Variants in ECPAS observed in about 807,000 individuals in gnomAD.
ECPAS encodes the protein proteasome adapter and scaffold protein ECM29.
ECPAS carries 70 observed loss-of-function variants against 255.1 expected under a neutral mutation model. The observed-to-expected ratio is 0.27, with a 90% CI of 0.23 to 0.33. The LOEUF is 0.33. Among genes scored for constraint, ECPAS ranks in the 10% least tolerant of loss-of-function variants. The pLI, the probability that ECPAS is intolerant of heterozygous loss-of-function variation, is 1.00. For missense variants in ECPAS, 1,817 were observed against 2,206.4 expected (o/e 0.82, Z 3.54); for synonymous variants, 784 against 775.0 (o/e 1.01, Z -0.19).
At position 111,390,084 on chromosome 9, in the gene ECPAS, T is replaced by C. The variant is rs760559326; in HGVS notation, c.3179A>G (p.Tyr1060Cys). The C allele has an allele frequency of 3.2e-6, 5 of 1,586,644 alleles. No individual in the cohort carries two copies. The South Asian group carries it at 5.7e-5, about 18-fold the overall frequency. The change falls in exon 30 of 50, where the codon TAC (tyrosine) becomes TGC (cysteine). Residue 1060 changes from tyrosine to cysteine, a missense_variant. Coordinates refer to ENST00000684092, the MANE Select transcript of ECPAS (RefSeq NM_001364929.1). ...ACTTGCCAGAGAACAAAGTTCCTTG[T>C]AAGTAGAAAGGCCCTGACTTGGAAA... The part of the protein sequence containing the change: ...KTPDGQGLST[Y>C]KELCSLASDL...
intron 31 of ECPAS, among the ~76,000 whole-genome samples, chr9:111,388,402 C>T (rs1478147214): frequency 6.7e-6 from 1 of 148,576 alleles, no homozygotes; most frequent in East Asian, 2.0e-4. Flanking sequence ...CTGGAGCAAG[C>T]AAAACTCATT....
At chr9:111,383,733 C>T (rs2098143538) in intron 34 of ECPAS, among the ~76,000 whole-genome samples, 1 of 151,994 alleles carries the variant, frequency 6.6e-6, no homozygotes, top group Non-Finnish European at 1.5e-5. Context: ...CCAGCCTGGG[C>T]AACATGAAGA....
intron 46 of ECPAS, among the ~76,000 whole-genome samples, chr9:111,368,036 A>G (rs1397118773): frequency 6.7e-6 from 1 of 148,944 alleles, no homozygotes; most frequent in Non-Finnish European, 1.5e-5. Context: ...CCCTGTCTCA[A>G]AAAAAAAACA....
chr9:111,432,551 T>A lies in ECPAS; in HGVS notation c.848+682A>T, dbSNP rs1330685988. ...ATCGCTTGAACCTGGTAGGTGGAGGTTGCAGTGAGCTGAGATCGTGCCACT... is the reference window on the plus strand; with the variant it reads ...ATCGCTTGAACCTGGTAGGTGGAGGATGCAGTGAGCTGAGATCGTGCCACT... On this transcript the variant is annotated intron_variant, in intron 8 of 49. Transcript: ENST00000684092. Among the ~76,000 whole-genome samples, 3 of 152,126 alleles carry A rather than the reference T, an allele frequency of 2.0e-5. No individual in the cohort carries two copies. In the East Asian group the frequency reaches 5.8e-4, roughly 29 times the overall value.
rs958000740 is a variant in ECPAS, at chr9:111,390,002, T to C, written c.3261A>G (p.Ala1087=). 1.4e-5 allele frequency: 22 copies of C among 1,595,450 alleles called. No homozygotes were observed. Among genetic ancestry groups the C allele is most frequent in the Admixed American group, 6.7e-5 (4 of 59,380 alleles). ...YKFMNLANHH[A]MWNSRKGAAF... ...AACTTACCTTCCTAGAGTTCCACAT[T>C]GCATGATGGTTGGCTAAATTCATAA... Residue 1087 remains alanine, a synonymous_variant, in exon 30 of 50, where the codon GCA becomes GCG. Coordinates refer to ENST00000684092, the MANE Select transcript of ECPAS (RefSeq NM_001364929.1).
chr9:111,394,329 A>G (rs1056769544), intron 25 of ECPAS, 24 bp from the exon 26 acceptor site: 1 of 1,498,508 alleles, frequency 6.7e-7, no homozygotes, highest in East Asian at 2.4e-5. Context: ...AAGAAAAATA[A>G]CAAAGAATTA....
rs963522326 is a variant in ECPAS, at chr9:111,472,259, A to T, written c.22+638T>A. ...CGAGACCCTGTCTCAAAAAAAAATT[A>T]AAAAATTTAAAAAACAAAAACCTCC... On this transcript the variant is annotated intron_variant, in intron 2 of 49. Transcript: ENST00000684092. 7.2e-5 allele frequency among the ~76,000 whole-genome samples: 11 copies of T among 152,074 alleles called. No individual in the cohort carries two copies. In the East Asian group the frequency reaches 7.7e-4, roughly 11 times the overall value.
At chr9:111,384,402 A>C in intron 34 of ECPAS, 120 bp downstream of exon 34, 2 of 850,532 alleles carry the variant, frequency 2.4e-6, no homozygotes, top group Non-Finnish European at 3.9e-6. Context: ...GCAGTGAACT[A>C]CAACATGAAG....
At chr9:111,394,330 C>T in intron 25 of ECPAS, 25 bp from the exon 26 acceptor site, 1 of 1,491,836 alleles carries the variant, frequency 6.7e-7, no homozygotes, top group Non-Finnish European at 8.9e-7. Flanking sequence ...AGAAAAATAA[C>T]AAAGAATTAA....
At chr9:111,369,218 A>C in intron 45 of ECPAS, 45 bp from the exon 46 acceptor site, 2 of 1,421,232 alleles carry the variant, frequency 1.4e-6, no homozygotes, top group Non-Finnish European at 1.9e-6. Flanking sequence ...TTCTTCTTCA[A>C]AGTTACAGGT....
intron 2 of ECPAS, among the ~76,000 whole-genome samples, chr9:111,466,340 G>T (rs2098279509): frequency 6.6e-6 from 1 of 152,068 alleles, no homozygotes; most frequent in Non-Finnish European, 1.5e-5. Context: ...AGCTACTCAG[G>T]AGGCTGAGGC....
intron 29 of ECPAS, among the ~76,000 whole-genome samples, chr9:111,390,772 C>T (rs765962907): frequency 5.9e-5 from 9 of 152,160 alleles, no homozygotes; most frequent in South Asian, 2.1e-4. Context: ...ATTTGCCTAA[C>T]GATCCGTAGA....
chr9:111,397,362 G>A (rs1446774430), intron 24 of ECPAS, among the ~76,000 whole-genome samples: 1 of 152,204 alleles, frequency 6.6e-6, no homozygotes, highest in Non-Finnish European at 1.5e-5. Flanking sequence ...ATTTTTCAAA[G>A]TCTTTGCTGC....
intron 35 of ECPAS, among the ~76,000 whole-genome samples, 153 bp from the exon 36 acceptor site, chr9:111,378,883 T>C (rs558933428): frequency 1.8e-4 from 27 of 152,368 alleles, no homozygotes; most frequent in African/African-American, 6.5e-4. Flanking sequence ...TTTTAACTTT[T>C]ATTAAAGAAA....
intron 2 of ECPAS, among the ~76,000 whole-genome samples, chr9:111,469,906 C>A (rs564231583): frequency 6.6e-6 from 1 of 152,074 alleles, no homozygotes; most frequent in Non-Finnish European, 1.5e-5. Context: ...GCCTTTTTTA[C>A]AGAACTCAAC....
chr9:111,412,804 A>C (rs994799684), intron 20 of ECPAS, among the ~76,000 whole-genome samples: 2 of 152,132 alleles, frequency 1.3e-5, no homozygotes, highest in African/African-American at 4.8e-5. Flanking sequence ...AATGTGCAAA[A>C]CTCACACCTC....
chr9:111,367,546 C>T (rs1238245474), intron 46 of ECPAS, among the ~76,000 whole-genome samples: 2 of 152,132 alleles, frequency 1.3e-5, no homozygotes, highest in African/African-American at 4.8e-5. Context: ...CTCTTTATGG[C>T]ATCATATTAG....
At chr9:111,477,476 A>C (rs1473536289) in intron 1 of ECPAS, among the ~76,000 whole-genome samples, 4 of 152,110 alleles carry the variant, frequency 2.6e-5, no homozygotes, top group Non-Finnish European at 4.4e-5. Context: ...CCCGATTGCC[A>C]CATTTTATAC....
In ECPAS at chr9:111,458,154, G is replaced by A. The variant is rs574461923; in HGVS notation, c.23-6599C>T. Among the ~76,000 whole-genome samples, 17 of 152,088 alleles carry A rather than the reference G, an allele frequency of 1.1e-4. No homozygotes were observed. The South Asian group carries it at 1.5e-3, about 13-fold the overall frequency. On this transcript the variant is annotated intron_variant, in intron 2 of 49. Coordinates refer to ENST00000684092, the MANE Select transcript of ECPAS (RefSeq NM_001364929.1). The stretch of plus-strand genomic sequence containing the variant: ...GAAAGCCCAACTAATGATTCTCTCC[G>A]AGAGTCTAAGATATAAAGGAGCCAA...
Sources: allele counts gnomAD v4.1 joint callset (sites outside exome capture counted in the v4.1 genomes callset), GRCh38; gene constraint gnomAD v4.1.1; transcripts MANE v1.5; gene names NCBI Gene and HGNC (gene_info 2026-07-23, HGNC 2026-07-21).